Variants in FHIT observed in about 807,000 individuals in gnomAD.
FHIT encodes the protein fragile histidine triad diadenosine triphosphatase, also known as bis(5'-adenosyl)-triphosphatase.
A neutral mutation model predicts 17.9 loss-of-function variants in FHIT; 19 were observed. The observed-to-expected ratio is 1.06, with a 90% CI of 0.74 to 1.56. The LOEUF is 1.56. FHIT is among the 40% of genes most tolerant of loss of function. The probability of loss-of-function intolerance (pLI) is 0.00; values close to 1 mark genes in which losing one functional copy is unlikely to be tolerated. For synonymous variants in FHIT, 81 were observed against 69.7 expected (o/e 1.16, Z -0.81); for missense variants, 248 against 189.2 (o/e 1.31, Z -1.82).
chr3:60,678,698 G>C (rs1169045492), intron 4 of FHIT, among the ~76,000 whole-genome samples: 1 of 152,114 alleles, frequency 6.6e-6, no homozygotes, highest in Non-Finnish European at 1.5e-5. Flanking sequence ...ATGATCCTAA[G>C]TTGAAAAATA....
intron 3 of FHIT, among the ~76,000 whole-genome samples, chr3:60,900,851 C>A (rs1340872535): frequency 6.6e-6 from 1 of 152,126 alleles, no homozygotes; most frequent in African/African-American, 2.4e-5. Flanking sequence ...GATCTCAGCT[C>A]ACCACAACCT....
At chr3:60,848,176 C>T (rs782704563) in intron 3 of FHIT, among the ~76,000 whole-genome samples, 5 of 152,126 alleles carry the variant, frequency 3.3e-5, no homozygotes, top group African/African-American at 7.2e-5. Flanking sequence ...AATTATTTTT[C>T]ATAAGATGGT....
intron 2 of FHIT, among the ~76,000 whole-genome samples, chr3:61,165,352 C>T (rs1005693164): frequency 1.3e-5 from 2 of 152,140 alleles, no homozygotes; most frequent in Non-Finnish European, 2.9e-5. Flanking sequence ...GAGATGGTAT[C>T]TCACTGTGGT....
intron 3 of FHIT, among the ~76,000 whole-genome samples, chr3:61,026,842 C>T (rs1397789092): frequency 1.3e-5 from 2 of 152,232 alleles, no homozygotes; most frequent in African/African-American, 4.8e-5. Context: ...ATTCAAACCT[C>T]ACCTTCCCAC....
At chr3:59,849,364 C>T (rs1025876355) in intron 8 of FHIT, among the ~76,000 whole-genome samples, 3 of 151,762 alleles carry the variant, frequency 2.0e-5, no homozygotes, top group African/African-American at 7.3e-5. Flanking sequence ...CAGAATGAGA[C>T]TCTGTCACAG....
At chr3:60,288,572 T>TGTGTGTG (rs1471143498) in intron 5 of FHIT, among the ~76,000 whole-genome samples, 1 of 96,352 alleles carries the variant, frequency 1.0e-5, no homozygotes, top group Non-Finnish European at 2.6e-5. Flanking sequence ...GCACAGTGTG[T>TGTGTGTG]GTGTGTGTGT....
At chr3:60,043,368 A>C (rs1701521412) in intron 5 of FHIT, among the ~76,000 whole-genome samples, 1 of 152,144 alleles carries the variant, frequency 6.6e-6, no homozygotes, top group South Asian at 2.1e-4. Flanking sequence ...AATACCTCCT[A>C]TTTTCTACGA....
intron 8 of FHIT, among the ~76,000 whole-genome samples, chr3:59,877,093 A>G (rs1703197985): frequency 6.6e-6 from 1 of 152,206 alleles, no homozygotes; most frequent in Non-Finnish European, 1.5e-5. Flanking sequence ...GCCAGAAGCC[A>G]ATGCAGGGAA....
chr3:61,216,869 T>C (rs1233113129), intron 1 of FHIT, among the ~76,000 whole-genome samples: 1 of 151,852 alleles, frequency 6.6e-6, no homozygotes, highest in African/African-American at 2.4e-5. Context: ...TTGGAAATCA[T>C]CATTCTCAGT....
intron 5 of FHIT, among the ~76,000 whole-genome samples, chr3:60,287,373 T>A (rs547644254): frequency 7.6e-4 from 115 of 152,212 alleles, no homozygotes; most frequent in African/African-American, 2.6e-3. Context: ...TTCACCATGT[T>A]AGCCAGGCTG....
rs923268866 is a variant in FHIT, at chr3:61,140,081, C to A, written c.-164+60536G>T. On this transcript the variant is annotated intron_variant, in intron 2 of 9. Transcript: ENST00000492590. ...CATTAAAGCATAAAGGTCAAGAGCACTTTGGGGGCAGCCAGCCCTAGGTCA... is the reference window on the plus strand; with the variant it reads ...CATTAAAGCATAAAGGTCAAGAGCAATTTGGGGGCAGCCAGCCCTAGGTCA... Among the ~76,000 whole-genome samples, 93 of 151,086 alleles carry A rather than the reference C, an allele frequency of 6.2e-4. 1 individual carries two copies.
chr3:60,876,313 CT>C (rs1575630764), intron 3 of FHIT, among the ~76,000 whole-genome samples: 1 of 152,134 alleles, frequency 6.6e-6, no homozygotes, highest in East Asian at 1.9e-4. Context: ...ATTTAAGAAT[CT>C]GACAGATTGC....
At chr3:60,592,207 G>A (rs1384041949) in intron 4 of FHIT, among the ~76,000 whole-genome samples, 1 of 145,332 alleles carries the variant, frequency 6.9e-6, no homozygotes, top group East Asian at 2.0e-4. Flanking sequence ...TTCTCTATAT[G>A]TAACCTCTAT....
At chr3:61,071,675 T>C (rs1422649938) in intron 2 of FHIT, among the ~76,000 whole-genome samples, 1 of 152,142 alleles carries the variant, frequency 6.6e-6, no homozygotes, top group East Asian at 1.9e-4. Flanking sequence ...ATTTCCAATA[T>C]GTTTATAATA....
At chr3:61,120,291 T>C (rs1289024434) in intron 2 of FHIT, among the ~76,000 whole-genome samples, 3 of 152,248 alleles carry the variant, frequency 2.0e-5, no homozygotes, top group African/African-American at 7.2e-5. Context: ...GTCACTTATA[T>C]AACAAACATT....
chr3:60,984,278 C>A (rs1025537283), intron 3 of FHIT, among the ~76,000 whole-genome samples: 1 of 152,140 alleles, frequency 6.6e-6, no homozygotes, highest in African/African-American at 2.4e-5. Context: ...CAGTTCTGAT[C>A]AGGGGAAAAT....
At chr3:60,959,704 G>A (rs1379054069) in intron 3 of FHIT, among the ~76,000 whole-genome samples, 5 of 152,132 alleles carry the variant, frequency 3.3e-5, no homozygotes, top group Non-Finnish European at 7.4e-5. Context: ...TGCTCTGTGG[G>A]AGGCAGAAAG....
chr3:60,955,609 T>TATATATATACATATATATATAC (rs1559862247), intron 3 of FHIT, among the ~76,000 whole-genome samples: 5 of 9,150 alleles, frequency 5.5e-4, no homozygotes, highest in African/African-American at 8.6e-4. Flanking sequence ...TATATATATA[T>TATATATATACATATATATATAC]ATATATATAT....
intron 5 of FHIT, among the ~76,000 whole-genome samples, chr3:60,143,360 G>C (rs1257907255): frequency 1.3e-5 from 2 of 152,074 alleles, no homozygotes; most frequent in South Asian, 2.1e-4. Context: ...TCTTCACTCA[G>C]TTCTCACCCT....
Sources: allele counts gnomAD v4.1 joint callset (sites outside exome capture counted in the v4.1 genomes callset), GRCh38; gene constraint gnomAD v4.1.1; transcripts MANE v1.5; gene names NCBI Gene and HGNC (gene_info 2026-07-23, HGNC 2026-07-21).